LAMB4: variants seen among roughly 807,000 people sequenced by gnomAD.
LAMB4 encodes the protein laminin subunit beta-4.
Under a neutral mutation model 199.2 loss-of-function variants are expected in LAMB4, and 196 were observed. That is an observed-to-expected ratio of 0.98 (90% CI 0.88 to 1.11). LAMB4 has a LOEUF of 1.11. LAMB4 is among the 50% of genes least tolerant of loss of function. The probability of loss-of-function intolerance (pLI) is 0.00; values close to 1 mark genes in which losing one functional copy is unlikely to be tolerated. For synonymous variants in LAMB4, 744 were observed against 770.6 expected (o/e 0.97, Z 0.57); for missense variants, 2,080 against 2,171.2 (o/e 0.96, Z 0.83).
At chr7:108,122,401 G>A (rs1046229988) in intron 2 of LAMB4, among the ~76,000 whole-genome samples, 1 of 152,166 alleles carries the variant, frequency 6.6e-6, no homozygotes, top group African/African-American at 2.4e-5. Context: ...CTCCAAGGCA[G>A]GGGATTTTCA....
chr7:108,103,435 T>C (rs2037887669), intron 9 of LAMB4, among the ~76,000 whole-genome samples: 1 of 152,228 alleles, frequency 6.6e-6, no homozygotes, highest in Non-Finnish European at 1.5e-5. Flanking sequence ...CTCCTACGCT[T>C]TCTATAAAAT....
rs1584797056 is a variant in LAMB4 at position 108,123,159 on chromosome 7, T to C, written c.6A>G (p.Gln2=). 1 of 1,610,724 alleles carries C rather than the reference T, an allele frequency of 6.2e-7. No homozygotes were observed. The highest frequency in any genetic ancestry group is 8.5e-7 in the Non-Finnish European group (1 of 1,178,962). The change falls in exon 2 of 34, where the codon CAA becomes CAG. Residue 2 remains glutamine (Q), a synonymous_variant. Transcript: ENST00000388781. ...GGTGCAAAAAAAGGGTCAGTTGAAA[T>C]TGCATTCTTTTGTCAGGAGATGATT... The part of the protein sequence containing the change: M[Q]FQLTLFLHLG...
Position 108,034,364 on chromosome 7 carries a change from C to T in LAMB4, c.4680-18G>A, listed in dbSNP as rs760582536. Reference sequence around the variant, plus strand: ...CTGCTTTCCTAAGGTAAGATATTAACATATCAGATTAGATAAATACACAAT... The same window carrying T: ...CTGCTTTCCTAAGGTAAGATATTAATATATCAGATTAGATAAATACACAAT... On this transcript the variant is annotated intron_variant, in intron 30 of 33. Coordinates refer to ENST00000388781, the MANE Select transcript of LAMB4 (RefSeq NM_007356.3). 9.6e-6 allele frequency: 15 copies of T among 1,563,216 alleles called. No individual in the cohort carries two copies. The highest frequency in any genetic ancestry group is 8.3e-5 in the Admixed American group (5 of 59,914).
At chr7:108,095,169 G>T in intron 12 of LAMB4, 59 bp downstream of exon 12, 1 of 1,239,758 alleles carries the variant, frequency 8.1e-7, no homozygotes, top group Non-Finnish European at 1.2e-6. Context: ...TCTTACCTAG[G>T]CAATGGCAAT....
Position 108,065,771 on chromosome 7 carries a change from C to A in LAMB4, c.2827G>T (p.Gly943Cys), listed in dbSNP as rs1201635460. 1.2e-6 allele frequency: 2 copies of A among 1,613,912 alleles called. No individual in the cohort carries two copies. Among genetic ancestry groups the A allele is most frequent in the Non-Finnish European group, 1.7e-6 (2 of 1,179,880 alleles). Residue 943 changes from glycine (G) to cysteine (C), a missense_variant, in exon 21 of 34, where the codon GGT becomes TGT. Physicochemically the swap from Gly to Cys is radical, Grantham distance 159 (BLOSUM62 -3). Coordinates refer to ENST00000388781, the MANE Select transcript of LAMB4 (RefSeq NM_007356.3). The part of the protein sequence containing the change: ...SSDVICNCLQ[G>C]YTGTQCGECS... ...GCACTATACTGCATACCCGTATAAC[C>A]TTGAAGACAATTGCAGATTACATCT...
intron 8 of LAMB4, 86 bp from the exon 9 acceptor site, chr7:108,104,705 T>A: frequency 6.3e-6 from 9 of 1,434,122 alleles, no homozygotes; most frequent in Non-Finnish European, 7.7e-6. Context: ...AAATACCAGG[T>A]CCTGGTACCT....
chr7:108,067,024 C>T (rs1454144497), intron 19 of LAMB4, among the ~76,000 whole-genome samples: 1 of 151,894 alleles, frequency 6.6e-6, no homozygotes, highest in Non-Finnish European at 1.5e-5. Context: ...TCAGAGTTTT[C>T]TTTTTCCTAG....
rs182299065 is a variant in LAMB4, at chr7:108,066,042, T to C, written c.2679-123A>G. 8.8e-5 allele frequency: 90 copies of C among 1,026,732 alleles called. No homozygotes were observed. The African/African-American group carries it at 1.3e-3, about 14-fold the overall frequency. The allele number at this position is 1,026,732 out of a possible 1,614,324, so 63.6% of individuals were successfully genotyped here. On this transcript the variant is annotated intron_variant, in intron 20 of 33. Coordinates refer to ENST00000388781, the MANE Select transcript of LAMB4 (RefSeq NM_007356.3). ...AACTGAATATTTTAGAAGATGTTCA[T>C]TTGCTCTGCAAAACGACTTTTGGTT...
intron 6 of LAMB4, 80 bp from the exon 7 acceptor site, chr7:108,106,652 C>T (rs1408656054): frequency 2.6e-6 from 2 of 773,862 alleles, no homozygotes; most frequent in African/African-American, 1.8e-5. Flanking sequence ...TTTTTTCAAA[C>T]CTCCCAGGCC....
rs2035394710 is a variant in LAMB4 at position 108,040,740 on chromosome 7, A to C, written c.4471+3012T>G. Among the ~76,000 whole-genome samples the C allele has an allele frequency of 2.6e-5, 4 of 152,224 alleles. No homozygotes were observed. In the South Asian group the frequency reaches 8.3e-4, roughly 32 times the overall value. On this transcript the variant is annotated intron_variant, in intron 29 of 33. Transcript: ENST00000388781. ...CGCTGAAACTGGACCCCCTCCTTAC[A>C]TCTTATATGAAAATTAACTCAAGAT...
intron 26 of LAMB4, among the ~76,000 whole-genome samples, chr7:108,051,880 T>C (rs1018038559): frequency 6.6e-6 from 1 of 152,210 alleles, no homozygotes; most frequent in African/African-American, 2.4e-5. Flanking sequence ...TATCAGACAT[T>C]GTTTACTTGT....
intron 2 of LAMB4, among the ~76,000 whole-genome samples, chr7:108,117,436 G>T (rs1224473824): frequency 1.3e-5 from 2 of 152,156 alleles, no homozygotes; most frequent in African/African-American, 4.8e-5. Context: ...TTTGTTAATT[G>T]TTGGGAAGAT....
chr7:108,043,905 A>C lies in LAMB4; in HGVS notation c.4327-9T>G. ...TCACTTATACTTTCGATCTGGAATG[A>C]GAAAAACACAATGAAGAATACTCGA... On this transcript the variant is annotated splice_polypyrimidine_tract_variant and intron_variant, in intron 28 of 33. Coordinates refer to ENST00000388781, the MANE Select transcript of LAMB4 (RefSeq NM_007356.3). The C allele has an allele frequency of 6.3e-7, 1 of 1,594,564 alleles. No individual in the cohort carries two copies. Among genetic ancestry groups the C allele is most frequent in the Non-Finnish European group, 8.5e-7 (1 of 1,173,824 alleles).
chr7:108,016,129 A>C, the LAMB4 span, among the ~76,000 whole-genome samples: 7 of 152,108 alleles, frequency 4.6e-5, no homozygotes, highest in Non-Finnish European at 7.3e-5. Flanking sequence ...CAACAAACTG[A>C]GTATAGTCGC....
At chr7:108,048,814 T>G (rs964317558) in intron 27 of LAMB4, among the ~76,000 whole-genome samples, 5 of 152,162 alleles carry the variant, frequency 3.3e-5, no homozygotes, top group Admixed American at 2.0e-4. Context: ...TGCCTCAACC[T>G]CCTGAGCAGC....
At chr7:108,087,780 C>T (rs2037240748) in intron 14 of LAMB4, among the ~76,000 whole-genome samples, 1 of 152,214 alleles carries the variant, frequency 6.6e-6, no homozygotes, top group Non-Finnish European at 1.5e-5. Flanking sequence ...TCACAGTGTT[C>T]AACTCTCTAA....
intron 3 of LAMB4, among the ~76,000 whole-genome samples, chr7:108,112,602 T>C (rs1159599827): frequency 6.6e-6 from 1 of 152,136 alleles, no homozygotes; most frequent in African/African-American, 2.4e-5. Context: ...CTGCTTAGGA[T>C]GGATTTTTGA....
Position 108,029,035 on chromosome 7 carries a change from A to T in LAMB4, c.5146+8T>A. The T allele has an allele frequency of 6.2e-7, 1 of 1,610,914 alleles. No homozygotes were observed. ...TCAAATTGGCAGGATGGATAAAAGA[A>T]CAGATACCTGTTATTCTTCTTATCT... On this transcript the variant is annotated splice_region_variant and intron_variant, in intron 33 of 33. Transcript: ENST00000388781.
At chr7:108,124,786 G>A (rs751705595) in intron 1 of LAMB4, among the ~76,000 whole-genome samples, 5 of 152,000 alleles carry the variant, frequency 3.3e-5, no homozygotes, top group African/African-American at 2.4e-5. Flanking sequence ...TTGTGAATCC[G>A]TTACCCTCCT....
Sources: gnomAD v4.1 joint callset for allele counts (sites outside exome capture counted in the v4.1 genomes callset) on GRCh38, gnomAD v4.1.1 for gene constraint, MANE v1.5 for transcripts, NCBI Gene and HGNC (gene_info 2026-07-23, HGNC 2026-07-21) for gene names.